Variants in BBOX1 observed in about 807,000 individuals in gnomAD.
BBOX1 encodes gamma-butyrobetaine dioxygenase.
In BBOX1, 35 loss-of-function variants were observed where a neutral mutation model predicts 41.6. The observed-to-expected ratio is 0.84, with a 90% CI of 0.64 to 1.11. The LOEUF is 1.11. Among genes scored for constraint, BBOX1 ranks in the 50% most tolerant of loss-of-function variants. The pLI is 0.00. For synonymous variants in BBOX1, 163 were observed against 154.7 expected (o/e 1.05, Z -0.40); for missense variants, 458 against 460.6 (o/e 0.99, Z 0.05).
At chr11:27,048,468 T>G (rs1050264204) in intron 2 of BBOX1, among the ~76,000 whole-genome samples, 23 of 31,128 alleles carry the variant, frequency 7.4e-4, no homozygotes, top group Middle Eastern at 0.028. Context: ...AATATTGAGG[T>G]GTGTGTGTGT....
intron 5 of BBOX1, among the ~76,000 whole-genome samples, chr11:27,094,953 G>A (rs1858385280): frequency 6.6e-6 from 1 of 151,902 alleles, no homozygotes; most frequent in Admixed American, 6.6e-5. Flanking sequence ...ACTGTATTAT[G>A]TATTGTTCAT....
intron 6 of BBOX1, among the ~76,000 whole-genome samples, chr11:27,118,901 G>A (rs1859359568): frequency 1.3e-5 from 2 of 149,286 alleles, no homozygotes; most frequent in South Asian, 4.2e-4. Flanking sequence ...CTATTGTTTT[G>A]CTACTCTGAC....
chr11:27,094,353 G>A (rs1478404293), intron 5 of BBOX1, among the ~76,000 whole-genome samples: 3 of 151,922 alleles, frequency 2.0e-5, no homozygotes, highest in African/African-American at 7.2e-5. Context: ...GAAAGTGAAA[G>A]GGACCTTCCA....
chr11:27,048,883 G>C (rs1242451730), intron 2 of BBOX1, among the ~76,000 whole-genome samples: 26 of 143,060 alleles, frequency 1.8e-4, no homozygotes, highest in South Asian at 4.8e-4. Context: ...ATCTCCCAAT[G>C]CTATCCCTCC....
intron 2 of BBOX1, chr11:27,046,313 C>A (rs1851486157): frequency 6.6e-6 from 1 of 152,004 alleles, no homozygotes; most frequent in Non-Finnish European, 1.5e-5. Context: ...AAACCCACAC[C>A]CATCACTGAA....
chr11:27,077,349 G>A (rs1380853798), intron 4 of BBOX1, among the ~76,000 whole-genome samples: 4 of 151,980 alleles, frequency 2.6e-5, no homozygotes, highest in Non-Finnish European at 4.4e-5. Context: ...TTTCCCCATC[G>A]GCTGCATTGC....
intron 2 of BBOX1, among the ~76,000 whole-genome samples, chr11:27,047,514 T>C (rs910058135): frequency 2.0e-5 from 3 of 152,130 alleles, no homozygotes; most frequent in Non-Finnish European, 2.9e-5. Context: ...ATTCATTAAG[T>C]ATTAGTGTTT....
At chr11:27,100,719 GAGTATGAAGTCAT>G (rs1237884181) in intron 5 of BBOX1, among the ~76,000 whole-genome samples, 28 of 152,158 alleles carry the variant, frequency 1.8e-4, no homozygotes, top group Non-Finnish European at 7.4e-5. Flanking sequence ...AAAACCACTT[GAGTATGAAGTCAT>G]CTCATGAATG....
chr11:27,073,141 G>C (rs1345754819), intron 4 of BBOX1, among the ~76,000 whole-genome samples: 5 of 152,100 alleles, frequency 3.3e-5, no homozygotes, highest in African/African-American at 1.2e-4. Context: ...TACAGAATGG[G>C]AGAAAATTTT....
chr11:27,069,434 T>G (rs1371485822), intron 4 of BBOX1, among the ~76,000 whole-genome samples: 1 of 152,144 alleles, frequency 6.6e-6, no homozygotes, highest in African/African-American at 2.4e-5. Flanking sequence ...AACCTGAGAC[T>G]TCACTGAATT....
At chr11:27,050,819 C>T (rs1285302911) in intron 2 of BBOX1, among the ~76,000 whole-genome samples, 1 of 152,012 alleles carries the variant, frequency 6.6e-6, no homozygotes, top group Non-Finnish European at 1.5e-5. Context: ...GATTTGGATG[C>T]CTTTCATTTC....
At chr11:27,074,673 C>T (rs533217673) in intron 4 of BBOX1, among the ~76,000 whole-genome samples, 1 of 152,256 alleles carries the variant, frequency 6.6e-6, no homozygotes, top group Non-Finnish European at 1.5e-5. Flanking sequence ...CAAGATGTGA[C>T]CTGGCTGTTT....
chr11:27,125,598 C>T (rs569769410), intron 7 of BBOX1, 56 bp from the exon 8 acceptor site: 1,941 of 1,315,606 alleles, frequency 1.5e-3, no homozygotes, highest in Non-Finnish European at 1.8e-3. Flanking sequence ...TGACTCTTAT[C>T]AATGTAAATA....
At chr11:27,079,202 C>T (rs991754315) in intron 4 of BBOX1, among the ~76,000 whole-genome samples, 1 of 152,080 alleles carries the variant, frequency 6.6e-6, no homozygotes, top group African/African-American at 2.4e-5. Flanking sequence ...TTTAGTCTTA[C>T]ATTGGTTTGA....
At chr11:27,074,388 CAGG>C (rs1169376128) in intron 4 of BBOX1, among the ~76,000 whole-genome samples, 10 of 151,908 alleles carry the variant, frequency 6.6e-5, no homozygotes, top group African/African-American at 2.4e-4. Context: ...CTGGAGGGCT[CAGG>C]AGAAGACAGG....
rs75069527 is a variant in BBOX1 at position 27,111,919 on chromosome 11, C to T, written c.534-3533C>T. On this transcript the variant is annotated intron_variant, in intron 5 of 8. Coordinates refer to ENST00000263182, the MANE Select transcript of BBOX1 (RefSeq NM_003986.3). ...GTATTTCATTGTTTGAAATCCTTGA[C>T]GAATTAATGGATATAGCCATTGAAC... 1.2e-3 allele frequency among the ~76,000 whole-genome samples: 182 copies of T among 151,780 alleles called. 4 individuals carry two copies. The East Asian group carries it at 0.025, about 21-fold the overall frequency.
intron 5 of BBOX1, among the ~76,000 whole-genome samples, chr11:27,093,909 C>T (rs912569301): frequency 6.6e-6 from 1 of 151,900 alleles, no homozygotes; most frequent in Non-Finnish European, 1.5e-5. Context: ...AGGGCTTCAA[C>T]ATATGAATTT....
At chr11:27,080,280 T>C (rs775865552) in intron 4 of BBOX1, among the ~76,000 whole-genome samples, 3 of 152,084 alleles carry the variant, frequency 2.0e-5, no homozygotes, top group African/African-American at 7.2e-5. Context: ...ATTTTCCTCC[T>C]CTTCTATGTG....
At chr11:27,088,077 T>C (rs895649140) in intron 4 of BBOX1, among the ~76,000 whole-genome samples, 3 of 150,414 alleles carry the variant, frequency 2.0e-5, no homozygotes, top group Admixed American at 6.6e-5. Flanking sequence ...AAGTATATTA[T>C]AGGTGAGTGT....
Sources: gnomAD v4.1 joint callset for allele counts (sites outside exome capture counted in the v4.1 genomes callset) on GRCh38, gnomAD v4.1.1 for gene constraint, MANE v1.5 for transcripts, NCBI Gene and HGNC (gene_info 2026-07-23, HGNC 2026-07-21) for gene names.